The following PDZD2 variants were observed in gnomAD, a reference collection of about 807,000 sequenced individuals.
PDZD2 encodes PDZ domain-containing protein 2.
In PDZD2, 90 loss-of-function variants were observed where a neutral mutation model predicts 220.7. That is an observed-to-expected ratio of 0.41 (90% CI 0.34 to 0.49). The LOEUF is 0.49. Among genes scored for constraint, PDZD2 ranks in the 20% least tolerant of loss-of-function variants. The probability of loss-of-function intolerance (pLI) is 0.28; values close to 1 mark genes in which losing one functional copy is unlikely to be tolerated. For synonymous variants in PDZD2, 1,375 were observed against 1,450.5 expected (o/e 0.95, Z 1.18); for missense variants, 3,174 against 3,608.5 (o/e 0.88, Z 3.08).
chr5:31,710,497 T>C (rs902410785), intron 1 of PDZD2, among the ~76,000 whole-genome samples: 1 of 152,188 alleles, frequency 6.6e-6, no homozygotes, highest in African/African-American at 2.4e-5. Context: ...TCTGGCTTCT[T>C]TGACCCCTAG....
At chr5:31,671,467 C>T (rs1288608507) in intron 1 of PDZD2, among the ~76,000 whole-genome samples, 1 of 152,148 alleles carries the variant, frequency 6.6e-6, no homozygotes, top group East Asian at 1.9e-4. Context: ...CTGTGGTCAG[C>T]ATCAGGACTG....
chr5:32,090,987 G>A lies in PDZD2; in HGVS notation c.7539G>A (p.Glu2513=). ...AGPSAVLFKT[E]LEITPRRSPG... Reference sequence around the variant, plus strand: ...CGAGCGCCGTGCTCTTCAAAACTGAGCTGGAGATCACCCCCAGGAGGTCAC... The same window carrying A: ...CGAGCGCCGTGCTCTTCAAAACTGAACTGGAGATCACCCCCAGGAGGTCAC... The change falls in exon 20 of 25, where the codon GAG becomes GAA. Residue 2513 remains glutamate, a synonymous_variant. Coordinates refer to ENST00000438447, the MANE Select transcript of PDZD2 (RefSeq NM_178140.4). This position sits in a 1 kb window ranked among gnomAD's most constrained non-coding sequence, Gnocchi z 4.3. 6.2e-7 allele frequency: 1 copy of A among 1,613,954 alleles called. No individual in the cohort carries two copies. Among genetic ancestry groups the A allele is most frequent in the Non-Finnish European group, 8.5e-7 (1 of 1,180,006 alleles).
At chr5:31,940,206 G>A (rs1746098251) in intron 2 of PDZD2, among the ~76,000 whole-genome samples, 1 of 152,218 alleles carries the variant, frequency 6.6e-6, no homozygotes, top group Non-Finnish European at 1.5e-5. Context: ...GAACAAGATA[G>A]CAACATTCTC....
intron 18 of PDZD2, among the ~76,000 whole-genome samples, chr5:32,076,554 T>C (rs970250185): frequency 1.3e-5 from 2 of 152,188 alleles, no homozygotes; most frequent in African/African-American, 4.8e-5. Flanking sequence ...TCCTCAAATA[T>C]TGGAAGAAAA....
Position 31,767,324 on chromosome 5 carries a change from G to A in PDZD2, c.-360-31565G>A, listed in dbSNP as rs138285516. 6.0e-3 allele frequency among the ~76,000 whole-genome samples: 918 copies of A among 152,248 alleles called. 9 individuals are homozygous for A. Among genetic ancestry groups the A allele is most frequent in the African/African-American group, 0.021 (862 of 41,528 alleles). ...TGGGATTACAGGCGTGAGCCACCAC[G>A]CCCAACCCCTTAAACAGCTTTTAAC... On this transcript the variant is annotated intron_variant, in intron 1 of 24. Coordinates refer to ENST00000438447, the MANE Select transcript of PDZD2 (RefSeq NM_178140.4).
chr5:31,797,971 T>C (rs918704759), intron 1 of PDZD2, among the ~76,000 whole-genome samples: 2 of 152,018 alleles, frequency 1.3e-5, no homozygotes, highest in African/African-American at 4.8e-5. Context: ...TTATGGAGAA[T>C]GGAGGTGAAA....
intron 2 of PDZD2, among the ~76,000 whole-genome samples, chr5:31,896,172 A>G (rs1473201023): frequency 6.6e-6 from 1 of 152,070 alleles, no homozygotes; most frequent in African/African-American, 2.4e-5. Context: ...ACGGAAAGGT[A>G]AAAAATAAAT....
chr5:31,812,379 C>T (rs1339923710), intron 2 of PDZD2, among the ~76,000 whole-genome samples: 1 of 152,148 alleles, frequency 6.6e-6, no homozygotes, highest in African/African-American at 2.4e-5. Context: ...CAGAGAGTCC[C>T]ATTTTCTGTG....
chr5:31,735,087 C>T (rs1749770158), intron 1 of PDZD2, among the ~76,000 whole-genome samples: 1 of 152,062 alleles, frequency 6.6e-6, no homozygotes, highest in Non-Finnish European at 1.5e-5. Flanking sequence ...ATATACTTGC[C>T]CAGCGTTGAA....
chr5:32,033,429 T>C (rs1214709593), intron 6 of PDZD2, among the ~76,000 whole-genome samples: 1 of 152,192 alleles, frequency 6.6e-6, no homozygotes, highest in African/African-American at 2.4e-5. Context: ...AAAAACAGTT[T>C]TTTGTTATAA....
intron 1 of PDZD2, among the ~76,000 whole-genome samples, chr5:31,675,736 A>ACCCAGACTGGAGTG (rs1223543354): frequency 6.6e-6 from 1 of 152,106 alleles, no homozygotes; most frequent in African/African-American, 2.4e-5. Flanking sequence ...CCACTCTGTC[A>ACCCAGACTGGAGTG]CCCAGACTGG....
At chr5:31,748,962 AG>A (rs1750765036) in intron 1 of PDZD2, among the ~76,000 whole-genome samples, 1 of 152,124 alleles carries the variant, frequency 6.6e-6, no homozygotes, top group Non-Finnish European at 1.5e-5. Context: ...ACTGGTTCTC[AG>A]GCCTGGAGTA....
chr5:32,100,341 C>CTT (rs1273958276), intron 23 of PDZD2: 3 of 177,866 alleles, frequency 1.7e-5, no homozygotes, highest in African/African-American at 7.2e-5. Flanking sequence ...CTAAGTGTGC[C>CTT]TTTGCAGTCA....
rs752884909 is a variant in PDZD2 at position 31,850,226 on chromosome 5, G to GTATATATATATA, written c.476+50509_476+50520dup. On this transcript the variant is annotated intron_variant, in intron 2 of 24. Transcript: ENST00000438447. ...TAAGTATATATGTGTATATATATAA[G>GTATATATATATA]TATATATATATATATATACACACAC... 7.8e-3 allele frequency among the ~76,000 whole-genome samples: 786 copies of GTATATATATATA among 101,148 alleles called. 18 individuals are homozygous for GTATATATATATA. Among genetic ancestry groups the GTATATATATATA allele is most frequent in the African/African-American group, 0.028 (716 of 25,572 alleles). The allele number at this position is 101,148 out of a possible 152,430, so 66.4% of individuals were successfully genotyped here. A position where few individuals can be genotyped will look rare whatever the true frequency, so the allele number is the denominator to read the frequency against.
At chr5:31,717,843 C>T (rs1748546042) in intron 1 of PDZD2, among the ~76,000 whole-genome samples, 1 of 152,212 alleles carries the variant, frequency 6.6e-6, no homozygotes, top group Admixed American at 6.5e-5. Flanking sequence ...CCCAGGGAGT[C>T]TTGCTTCAGA....
At chr5:32,022,185 G>GTTTTTTTTTTTTTTTTTTTTTTTTT (rs145876120) in intron 6 of PDZD2, among the ~76,000 whole-genome samples, 1 of 135,592 alleles carries the variant, frequency 7.4e-6, no homozygotes, top group Non-Finnish European at 1.6e-5. Context: ...TTGTTTTTTT[G>GTTTTTTTTTTTTTTTTTTTTTTTTT]TTTTTTTGTT....
intron 14 of PDZD2, among the ~76,000 whole-genome samples, chr5:32,062,650 T>C (rs372821243): frequency 4.0e-4 from 61 of 152,262 alleles, no homozygotes; most frequent in African/African-American, 1.4e-3. Context: ...CACCTTGGCC[T>C]CCCAAAGTGC....
At chr5:31,751,351 G>A (rs981062279) in intron 1 of PDZD2, among the ~76,000 whole-genome samples, 2 of 152,092 alleles carry the variant, frequency 1.3e-5, no homozygotes, top group African/African-American at 4.8e-5. Flanking sequence ...AGAGGCCCTT[G>A]CAGGGGACCT....
Position 32,000,625 on chromosome 5 carries a change from C to T in PDZD2, c.1254+354C>T, listed in dbSNP as rs1752031256. ...TTCCGGATTCAAGCAGTTCTCCTGC[C>T]TCAGCCTCCCAAGTAGCTAGGATTA... On this transcript the variant is annotated intron_variant, in intron 5 of 24. Coordinates refer to ENST00000438447, the MANE Select transcript of PDZD2 (RefSeq NM_178140.4). The surrounding 1 kb of genome is among the most constrained non-coding windows in gnomAD (Gnocchi z 4.5). Among the ~76,000 whole-genome samples the T allele has an allele frequency of 6.6e-6, 1 of 152,154 alleles. No individual in the cohort carries two copies. Among genetic ancestry groups the T allele is most frequent in the Non-Finnish European group, 1.5e-5 (1 of 68,034 alleles).
Sources: allele counts gnomAD v4.1 joint callset (sites outside exome capture counted in the v4.1 genomes callset), GRCh38; gene constraint gnomAD v4.1.1; non-coding constraint Gnocchi (gnomAD v3.1); transcripts MANE v1.5; gene names NCBI Gene and HGNC (gene_info 2026-07-23, HGNC 2026-07-21).